Variants in PTCHD4 observed in about 807,000 individuals in gnomAD.
The protein encoded by PTCHD4 is patched domain containing 4, also known as patched domain-containing protein 4.
A neutral mutation model predicts 58.1 loss-of-function variants in PTCHD4; 33 were observed. The observed-to-expected ratio is 0.57, with a 90% CI of 0.43 to 0.76. The LOEUF (loss-of-function observed/expected upper bound fraction) is 0.76. Among genes scored for constraint, PTCHD4 ranks in the 30% least tolerant of loss-of-function variants. The pLI is 0.00. For synonymous variants in PTCHD4, 478 were observed against 409.6 expected, an observed-to-expected ratio of 1.17 and a Z score of -2.02; for missense variants, 1,058 against 1,027.1, an observed-to-expected ratio of 1.03 and a Z score of -0.41.
intron 4 of PTCHD4, among the ~76,000 whole-genome samples, chr6:47,980,700 GA>G (rs1767856290): frequency 6.6e-6 from 1 of 151,640 alleles, no homozygotes; most frequent in Non-Finnish European, 1.5e-5. Context: ...TATTTTAAAT[GA>G]AAATAATTAA....
intron 4 of PTCHD4, among the ~76,000 whole-genome samples, chr6:47,978,724 A>G (rs1767780701): frequency 6.6e-6 from 1 of 152,120 alleles, no homozygotes; most frequent in Admixed American, 6.5e-5. Context: ...AGGTCAATAA[A>G]AGTTAAGTAA....
chr6:48,074,667 T>G (rs1765029760), intron 1 of PTCHD4, among the ~76,000 whole-genome samples: 1 of 151,894 alleles, frequency 6.6e-6, no homozygotes, highest in Non-Finnish European at 1.5e-5. Flanking sequence ...TATGCAGAGT[T>G]TGTTTTGTTT....
At chr6:47,970,449 AT>A (rs758739677) in intron 4 of PTCHD4, among the ~76,000 whole-genome samples, 1 of 152,090 alleles carries the variant, frequency 6.6e-6, no homozygotes, top group South Asian at 2.1e-4. Context: ...AAATGCAAGA[AT>A]TTGCGGCAAG....
rs1215638380 is a variant in PTCHD4 at position 47,866,617 on chromosome 6, A to G, written c.*11686T>C. ...CAACTCCAACCTTATCTATAACTCT[A>G]AAAAGCATAATTAGGAAATGCTTTT... is the stretch of plus-strand genomic sequence containing the variant. On this transcript the variant is annotated 3_prime_UTR_variant, in exon 5 of 5. Transcript: ENST00000339488. Among the ~76,000 whole-genome samples the G allele has an allele frequency of 1.3e-5, 2 of 152,010 alleles. No homozygotes were observed. Among genetic ancestry groups the G allele is most frequent in the East Asian group, 1.9e-4 (1 of 5,148 alleles).
At chr6:48,057,096 C>A (rs922075021) in intron 3 of PTCHD4, among the ~76,000 whole-genome samples, 19 of 152,198 alleles carry the variant, frequency 1.2e-4, no homozygotes, top group African/African-American at 4.6e-4. Context: ...CTCTCTGCAA[C>A]CTTTCCTTAG....
intron 4 of PTCHD4, among the ~76,000 whole-genome samples, chr6:47,916,067 A>G (rs1257280317): frequency 1.3e-5 from 2 of 152,118 alleles, no homozygotes; most frequent in Admixed American, 1.3e-4. Context: ...GTGAGCAAAG[A>G]CCGGTGACTG....
chr6:47,934,376 C>G lies in PTCHD4; in HGVS notation c.899-54440G>C, dbSNP rs140340260. The stretch of plus-strand genomic sequence containing the variant: ...TTTTCGTGGCCATGGAACAAAGAAC[C>G]CCATCTTTAGCTGAACTACGAAAAA... On this transcript the variant is annotated intron_variant, in intron 4 of 4. Coordinates refer to ENST00000339488, the MANE Select transcript of PTCHD4 (RefSeq NM_001384253.1). Among the ~76,000 whole-genome samples the G allele has an allele frequency of 3.0e-3, 461 of 152,154 alleles. 1 individual carries two copies. The highest frequency in any genetic ancestry group is 9.9e-3 in the African/African-American group (409 of 41,478).
chr6:47,991,611 G>T (rs1458818698), intron 4 of PTCHD4, among the ~76,000 whole-genome samples: 3 of 151,738 alleles, frequency 2.0e-5, no homozygotes, highest in African/African-American at 7.3e-5. Context: ...GAAATAACGA[G>T]GTCTAATGAA....
chr6:48,102,153 A>C (rs1765617611), intron 1 of PTCHD4, among the ~76,000 whole-genome samples: 1 of 152,200 alleles, frequency 6.6e-6, no homozygotes, highest in East Asian at 1.9e-4. Flanking sequence ...AGTGATGTGG[A>C]GCTGGGATGT....
intron 4 of PTCHD4, among the ~76,000 whole-genome samples, chr6:47,938,819 A>G (rs896893309): frequency 2.6e-5 from 4 of 152,352 alleles, no homozygotes; most frequent in Admixed American, 2.6e-4. Context: ...AGTGTTCAGA[A>G]TCTTTCCAAG....
intron 4 of PTCHD4, among the ~76,000 whole-genome samples, chr6:47,943,267 G>T (rs1766300044): frequency 6.6e-6 from 1 of 151,908 alleles, no homozygotes; most frequent in African/African-American, 2.4e-5. Flanking sequence ...GAAAGAAAGG[G>T]GCTTTAGGTT....
At position 47,916,505 on chromosome 6, in the gene PTCHD4, G is replaced by A. The variant is rs143207577; in HGVS notation, c.899-36569C>T. On this transcript the variant is annotated intron_variant, in intron 4 of 4. Coordinates refer to ENST00000339488, the MANE Select transcript of PTCHD4 (RefSeq NM_001384253.1). ...CCCCACCACCTACAAATAATCAGTC[G>A]ATTAGGAAAATCTGCCCCCTTATCT... Among the ~76,000 whole-genome samples the A allele has an allele frequency of 9.6e-4, 146 of 152,148 alleles. 2 individuals carry two copies. The highest frequency in any genetic ancestry group is 7.1e-3 in the South Asian group (34 of 4,810).
intron 4 of PTCHD4, among the ~76,000 whole-genome samples, chr6:47,945,833 G>A (rs1258406249): frequency 6.6e-6 from 1 of 151,480 alleles, no homozygotes; most frequent in African/African-American, 2.4e-5. Context: ...TAAAGCTCTT[G>A]TAATCTTTTG....
In PTCHD4 at chr6:47,864,327, C is replaced by T. The variant is rs1339790668; in HGVS notation, c.*13976G>A. Among the ~76,000 whole-genome samples, 1 of 151,632 alleles carries T rather than the reference C, an allele frequency of 6.6e-6. No individual in the cohort carries two copies. Among genetic ancestry groups the T allele is most frequent in the African/African-American group, 2.4e-5 (1 of 41,248 alleles). On this transcript the variant is annotated 3_prime_UTR_variant, in exon 5 of 5. Coordinates refer to ENST00000339488, the MANE Select transcript of PTCHD4 (RefSeq NM_001384253.1). ...TGAGATATATATATACACACACACA[C>T]ACATATATATATATGGCTATTTCAC...
chr6:48,056,628 T>G (rs1764414719), intron 3 of PTCHD4, among the ~76,000 whole-genome samples: 1 of 152,238 alleles, frequency 6.6e-6, no homozygotes, highest in Non-Finnish European at 1.5e-5. Context: ...AGAGGTCATA[T>G]TAAGAGTAAC....
At chr6:47,995,260 G>A (rs933506488) in intron 4 of PTCHD4, among the ~76,000 whole-genome samples, 18 of 152,216 alleles carry the variant, frequency 1.2e-4, no homozygotes, top group Admixed American at 1.0e-3. Flanking sequence ...TGGAATGATC[G>A]GGGCTAGCAA....
chr6:47,884,274 G>T (rs1764113068), intron 4 of PTCHD4, among the ~76,000 whole-genome samples: 2 of 152,124 alleles, frequency 1.3e-5, no homozygotes, highest in African/African-American at 4.8e-5. Flanking sequence ...TGGAGAGTCT[G>T]TTTTCCAATT....
intron 3 of PTCHD4, among the ~76,000 whole-genome samples, chr6:48,016,986 T>A (rs1762890800): frequency 6.6e-6 from 1 of 152,214 alleles, no homozygotes; most frequent in Non-Finnish European, 1.5e-5. Flanking sequence ...TTTCATTGAT[T>A]TTCCATGAGG....
intron 3 of PTCHD4, among the ~76,000 whole-genome samples, chr6:48,024,623 T>C (rs1410487794): frequency 6.6e-6 from 1 of 152,130 alleles, no homozygotes; most frequent in Non-Finnish European, 1.5e-5. Context: ...TATGATCCCT[T>C]GGGACTTAGA....
Sources: gnomAD v4.1 joint callset for allele counts (sites outside exome capture counted in the v4.1 genomes callset) on GRCh38, gnomAD v4.1.1 for gene constraint, MANE v1.5 for transcripts, NCBI Gene and HGNC (gene_info 2026-07-23, HGNC 2026-07-21) for gene names.